SRC: variants seen among roughly 807,000 people sequenced by gnomAD.
SRC encodes proto-oncogene tyrosine-protein kinase Src.
Under a neutral mutation model 62.9 loss-of-function variants are expected in SRC, and 13 were observed. The observed-to-expected ratio is 0.21, with a 90% CI of 0.13 to 0.33. The LOEUF (loss-of-function observed/expected upper bound fraction) is 0.33. SRC is among the 10% of genes least tolerant of loss of function. The pLI is 1.00. For missense variants in SRC, 457 were observed against 737.3 expected, an observed-to-expected ratio of 0.62 and a Z score of 4.40; for synonymous variants, 302 against 317.5, an observed-to-expected ratio of 0.95 and a Z score of 0.52.
At chr20:37,394,308 TGA>T in intron 7 of SRC, 31 bp downstream of exon 7, 1 of 1,587,514 alleles carries the variant, frequency 6.3e-7, no homozygotes, top group Non-Finnish European at 8.6e-7. Flanking sequence ...CAACGGATAC[TGA>T]GTCTTCTGTG....
intron 1 of SRC, among the ~76,000 whole-genome samples, chr20:37,355,737 T>G (rs1292614130): frequency 6.6e-6 from 1 of 151,966 alleles, no homozygotes; most frequent in Admixed American, 6.6e-5. Context: ...TCTTAAAGGA[T>G]GAGCAGGAGC....
chr20:37,375,666 C>T (rs1443467352), intron 2 of SRC, among the ~76,000 whole-genome samples: 1 of 152,168 alleles, frequency 6.6e-6, no homozygotes, highest in East Asian at 1.9e-4. Context: ...TGAGCCACCA[C>T]ACCCAACCCT....
chr20:37,380,052 G>A (rs566299048), intron 2 of SRC, among the ~76,000 whole-genome samples: 11 of 152,162 alleles, frequency 7.2e-5, no homozygotes, highest in African/African-American at 2.4e-4. Flanking sequence ...AGTGAAAAGA[G>A]GGAGGCGGCA....
chr20:37,394,825 A>T (rs1318553151), intron 7 of SRC, among the ~76,000 whole-genome samples: 1 of 152,050 alleles, frequency 6.6e-6, no homozygotes. Flanking sequence ...GCTCAGCGGG[A>T]GATGGGAAGC....
At chr20:37,370,446 G>A (rs568860240) in intron 2 of SRC, among the ~76,000 whole-genome samples, 27 of 152,174 alleles carry the variant, frequency 1.8e-4, no homozygotes, top group Non-Finnish European at 4.0e-4. Context: ...GTGCTGGCAG[G>A]CACCTGTAAT....
At chr20:37,392,018 G>A (rs967338817) in intron 5 of SRC, among the ~76,000 whole-genome samples, 3 of 152,176 alleles carry the variant, frequency 2.0e-5, no homozygotes, top group Admixed American at 6.5e-5. Context: ...AGAGACAAGT[G>A]TGGACACCCC....
chr20:37,345,705 C>G (rs1375670114), upstream of SRC, among the ~76,000 whole-genome samples: 1 of 152,222 alleles, frequency 6.6e-6, no homozygotes, highest in East Asian at 1.9e-4. Flanking sequence ...ACCCTGAAGT[C>G]GACCTGAGCA....
chr20:37,358,939 C>G (rs1030799061), intron 1 of SRC, among the ~76,000 whole-genome samples: 2 of 152,264 alleles, frequency 1.3e-5, no homozygotes, highest in Admixed American at 6.5e-5. Context: ...TCCTGGCTGC[C>G]CTGGCACGCG....
At chr20:37,400,979 T>C (rs1304128530) in intron 10 of SRC, among the ~76,000 whole-genome samples, 1 of 152,104 alleles carries the variant, frequency 6.6e-6, no homozygotes, top group Non-Finnish European at 1.5e-5. Context: ...GGATGCATTG[T>C]TTTTTTACTT....
At chr20:37,361,371 G>GT (rs1284471991) in intron 1 of SRC, among the ~76,000 whole-genome samples, 1 of 152,178 alleles carries the variant, frequency 6.6e-6, no homozygotes, top group Non-Finnish European at 1.5e-5. Context: ...TCATGGATGA[G>GT]TAAAGGCAGG....
chr20:37,352,405 G>T (rs914626769), intron 1 of SRC, among the ~76,000 whole-genome samples: 1 of 152,206 alleles, frequency 6.6e-6, no homozygotes, highest in African/African-American at 2.4e-5. Context: ...TGTTCTGTGG[G>T]GAAGGGAGTG....
At position 37,403,499 on chromosome 20, in the gene SRC, A is replaced by G. The variant is rs1601025844; in HGVS notation, c.*120A>G. ...CCTCTCTCTGTGGGGCTGAATTGCC[A>G]GGGGCGAGGCCCTTCCTCTTTGGTG... On this transcript the variant is annotated 3_prime_UTR_variant, in exon 14 of 14. Coordinates refer to ENST00000373578, the MANE Select transcript of SRC (RefSeq NM_198291.3). The surrounding 1 kb of genome is among the most constrained non-coding windows in gnomAD (Gnocchi z 7.1). 8.5e-7 allele frequency: 1 copy of G among 1,181,342 alleles called. No individual in the cohort carries two copies. The highest frequency in any genetic ancestry group is 2.6e-5 in the East Asian group (1 of 38,798). 73.2% of individuals were successfully genotyped at this position (1,181,342 alleles called of 1,614,324 possible). A position where few individuals can be genotyped will look rare whatever the true frequency, so the allele number is the denominator to read the frequency against.
upstream of SRC, among the ~76,000 whole-genome samples, chr20:37,345,103 G>A (rs2069699450): frequency 6.6e-6 from 1 of 152,180 alleles, no homozygotes; most frequent in Non-Finnish European, 1.5e-5. Flanking sequence ...ATAGAAGCCT[G>A]ACCTGTCTGG....
chr20:37,348,685 G>T (rs913067412), intron 1 of SRC, among the ~76,000 whole-genome samples: 3 of 152,180 alleles, frequency 2.0e-5, no homozygotes, highest in African/African-American at 7.2e-5. Context: ...TTGCTGGGGA[G>T]CTGGGAACAG....
At chr20:37,363,618 G>A (rs2070011932) in intron 1 of SRC, among the ~76,000 whole-genome samples, 1 of 152,208 alleles carries the variant, frequency 6.6e-6, no homozygotes, top group Non-Finnish European at 1.5e-5. Flanking sequence ...AGGGGAGCGT[G>A]AACCCCGGGC....
chr20:37,353,124 C>T lies in SRC; in HGVS notation c.-247+6869C>T, dbSNP rs78323238. Among the ~76,000 whole-genome samples, 477 of 152,268 alleles carry T rather than the reference C, an allele frequency of 3.1e-3. 4 individuals carry two copies. The highest frequency in any genetic ancestry group is 0.011 in the African/African-American group (461 of 41,564). Reference sequence around the variant, plus strand: ...CCTTTACAGTTTACAAAGAACTTTCCGCAGTTACCTCTGTGCATCCCCAGC... The same window carrying T: ...CCTTTACAGTTTACAAAGAACTTTCTGCAGTTACCTCTGTGCATCCCCAGC... On this transcript the variant is annotated intron_variant, in intron 1 of 13. Transcript: ENST00000373578.
chr20:37,398,085 G>A lies in SRC; in HGVS notation c.859+231G>A, dbSNP rs1316560941. The stretch of plus-strand genomic sequence containing the variant: ...CTGATTCCAAGATCCGCACAGGGCT[G>A]GGCATTGCACAGACCTGCTGTGTAG... On this transcript the variant is annotated intron_variant, in intron 9 of 13. Transcript: ENST00000373578. The surrounding 1 kb of genome is among the most constrained non-coding windows in gnomAD (Gnocchi z 5.2). Among the ~76,000 whole-genome samples the A allele has an allele frequency of 6.6e-6, 1 of 152,214 alleles. No homozygotes were observed. Among genetic ancestry groups the A allele is most frequent in the Non-Finnish European group, 1.5e-5 (1 of 68,036 alleles).
rs550612252 is a variant in SRC at position 37,386,121 on chromosome 20, G to A, written c.297G>A (p.Thr99=). ...CCCTCTATGACTATGAGTCTAGGAC[G>A]GAGACAGACCTGTCCTTCAAGAAAG... ...FVALYDYESR[T]ETDLSFKKGE... Residue 99 remains threonine (T), a synonymous_variant, in exon 5 of 14, where the codon ACG becomes ACA. Transcript: ENST00000373578. 7.4e-6 allele frequency: 12 copies of A among 1,614,076 alleles called. No homozygotes were observed. The highest frequency in any genetic ancestry group is 1.6e-4 in the Middle Eastern group (1 of 6,082).
Position 37,396,785 on chromosome 20 carries a change from G to A in SRC, c.703+474G>A, listed in dbSNP as rs530835179. On this transcript the variant is annotated intron_variant, in intron 8 of 13. Transcript: ENST00000373578. This position sits in a 1 kb window ranked among gnomAD's most constrained non-coding sequence, Gnocchi z 6.1. ...GGGCTTGCGTGCTGGGTGAGGGCTC[G>A]GGCGTGGGCGCAGTGCTGTAGCCCA... 2.1e-3 allele frequency: 395 copies of A among 187,932 alleles called. 3 individuals are homozygous for A. The highest frequency in any genetic ancestry group is 8.8e-3 in the African/African-American group (375 of 42,568). The allele number at this position is 187,932 out of a possible 1,614,324, so 11.6% of individuals were successfully genotyped here.
Sources: allele counts gnomAD v4.1 joint callset (sites outside exome capture counted in the v4.1 genomes callset), GRCh38; gene constraint gnomAD v4.1.1; non-coding constraint Gnocchi (gnomAD v3.1); transcripts MANE v1.5; gene names NCBI Gene and HGNC (gene_info 2026-07-23, HGNC 2026-07-21).